The following GRM7 variants were observed in gnomAD, a reference collection of about 807,000 sequenced individuals.
GRM7 encodes glutamate metabotropic receptor 7, also known as metabotropic glutamate receptor 7.
Under a neutral mutation model 84.5 loss-of-function variants are expected in GRM7, and 35 were observed. The ratio of observed to expected loss-of-function variants is 0.41; its 90% CI spans 0.32 to 0.55. GRM7 has a LOEUF of 0.55. Ranked by LOEUF, GRM7 falls within the 20% of genes least tolerant of loss-of-function variation. GRM7 has a pLI of 0.19. For missense variants in GRM7, 1,003 were observed against 1,194.6 expected, an observed-to-expected ratio of 0.84 and a Z score of 2.36; for synonymous variants, 487 against 455.1, an observed-to-expected ratio of 1.07 and a Z score of -0.89.
intron 5 of GRM7, among the ~76,000 whole-genome samples, chr3:7,440,816 G>A (rs1269128532): frequency 6.6e-6 from 1 of 152,122 alleles, no homozygotes. Context: ...TGCTGCAAAA[G>A]ATATTATCTC....
intron 2 of GRM7, among the ~76,000 whole-genome samples, chr3:7,292,935 A>G (rs1265690521): frequency 6.6e-6 from 1 of 151,060 alleles, no homozygotes; most frequent in Non-Finnish European, 1.5e-5. Flanking sequence ...TCGGGGGGCC[A>G]AGGCAGGAGA....
chr3:7,483,344 C>T (rs898136974), intron 7 of GRM7, among the ~76,000 whole-genome samples: 5 of 152,178 alleles, frequency 3.3e-5, no homozygotes, highest in African/African-American at 9.7e-5. Context: ...ATGAACATGA[C>T]GGTTGATTTG....
chr3:7,407,895 T>G (rs1695751261), intron 4 of GRM7, among the ~76,000 whole-genome samples: 1 of 152,214 alleles, frequency 6.6e-6, no homozygotes, highest in African/African-American at 2.4e-5. Flanking sequence ...TTCTCTCTTT[T>G]CCTCACCTTA....
At chr3:7,208,866 A>T (rs1015110196) in intron 2 of GRM7, among the ~76,000 whole-genome samples, 13 of 152,208 alleles carry the variant, frequency 8.5e-5, no homozygotes, top group Admixed American at 4.6e-4. Context: ...ATAGATAAGC[A>T]ATCACGTGAT....
intron 4 of GRM7, among the ~76,000 whole-genome samples, chr3:7,369,107 T>C (rs747800842): frequency 1.3e-5 from 2 of 152,022 alleles, no homozygotes; most frequent in South Asian, 4.1e-4. Context: ...CACCCTGGAG[T>C]ATGGTGGCAC....
intron 4 of GRM7, among the ~76,000 whole-genome samples, chr3:7,399,263 C>T (rs1040219192): frequency 6.6e-6 from 1 of 152,020 alleles, no homozygotes; most frequent in Non-Finnish European, 1.5e-5. Context: ...GTTCTCTAAG[C>T]TCTAGATCCA....
At chr3:7,569,556 G>C (rs1694535012) in intron 7 of GRM7, among the ~76,000 whole-genome samples, 1 of 152,118 alleles carries the variant, frequency 6.6e-6, no homozygotes, top group Non-Finnish European at 1.5e-5. Context: ...AGCCAGCAGT[G>C]GCAACCTGCT....
chr3:7,645,279 T>C (rs1366935000), intron 8 of GRM7, among the ~76,000 whole-genome samples: 1 of 152,050 alleles, frequency 6.6e-6, no homozygotes, highest in Non-Finnish European at 1.5e-5. Context: ...CTGGGCACAG[T>C]GGCTCACGCC....
chr3:6,914,412 G>GTT (rs1039904311), intron 1 of GRM7, among the ~76,000 whole-genome samples: 1 of 150,704 alleles, frequency 6.6e-6, no homozygotes, highest in African/African-American at 2.4e-5. Context: ...CTATTTAGGT[G>GTT]TTTTTTTTTG....
At chr3:6,864,935 C>T (rs340659) in intron 1 of GRM7, among the ~76,000 whole-genome samples, 146,989 of 152,348 alleles carry the variant, frequency 0.96, 70,980 homozygotes, top group East Asian at 1. Flanking sequence ...AGATTGAAGA[C>T]ATAAGCTTAG....
intron 4 of GRM7, among the ~76,000 whole-genome samples, chr3:7,309,434 A>G (rs886681198): frequency 6.6e-6 from 1 of 151,990 alleles, no homozygotes. Context: ...CAGATGTTTC[A>G]TATTGAATTA....
At chr3:7,376,706 T>G (rs544596366) in intron 4 of GRM7, among the ~76,000 whole-genome samples, 134 of 152,340 alleles carry the variant, frequency 8.8e-4, no homozygotes, top group Non-Finnish European at 1.5e-3. Flanking sequence ...CCTACAATAT[T>G]GTACAAGAGA....
intron 1 of GRM7, among the ~76,000 whole-genome samples, chr3:7,088,539 C>T (rs2125005657): frequency 6.7e-6 from 1 of 148,898 alleles, no homozygotes; most frequent in Admixed American, 6.7e-5. Flanking sequence ...GAGATAGGGG[C>T]CAGAGATCAT....
At chr3:7,083,702 C>T (rs1222302510) in intron 1 of GRM7, among the ~76,000 whole-genome samples, 1 of 152,104 alleles carries the variant, frequency 6.6e-6, no homozygotes, top group Non-Finnish European at 1.5e-5. Flanking sequence ...TGGGCCAAGT[C>T]TCTGTTCTTG....
At chr3:6,931,767 C>A (rs1410088880) in intron 1 of GRM7, among the ~76,000 whole-genome samples, 1 of 152,192 alleles carries the variant, frequency 6.6e-6, no homozygotes, top group Non-Finnish European at 1.5e-5. Context: ...AGCTCAAGAA[C>A]CGTGTCTCTC....
rs58178956 is a variant in GRM7 at position 7,566,103 on chromosome 3, GTTTTTTTTTT to G, written c.1516-12299_1516-12290del. 1.8e-3 allele frequency among the ~76,000 whole-genome samples: 235 copies of G among 130,020 alleles called. 2 individuals carry two copies. Among genetic ancestry groups the G allele is most frequent in the African/African-American group, 5.7e-3 (189 of 33,428 alleles). The allele number at this position is 130,020 out of a possible 152,430, so 85.3% of individuals were successfully genotyped here. On this transcript the variant is annotated intron_variant, in intron 7 of 9. Coordinates refer to ENST00000357716, the MANE Select transcript of GRM7 (RefSeq NM_000844.4). ...TGTTTTCTTTGGCTCTGAATCAGCT[GTTTTTTTTTT>G]TTTTTTTTTTTTTTTTTTTGTAAAA...
chr3:7,322,917 G>A (rs1486389412), intron 4 of GRM7, among the ~76,000 whole-genome samples: 51 of 152,080 alleles, frequency 3.4e-4, no homozygotes, highest in Non-Finnish European at 1.0e-4. Context: ...TTTTGTAATG[G>A]CATCAGTGTC....
intron 4 of GRM7, among the ~76,000 whole-genome samples, chr3:7,326,354 T>C (rs1487848335): frequency 1.3e-5 from 2 of 152,150 alleles, no homozygotes; most frequent in Non-Finnish European, 2.9e-5. Context: ...GTTACTTTTA[T>C]GTTCTTTTAA....
chr3:7,488,418 G>T (rs185538713), intron 7 of GRM7, among the ~76,000 whole-genome samples: 1 of 152,204 alleles, frequency 6.6e-6, no homozygotes, highest in African/African-American at 2.4e-5. Flanking sequence ...GTTGGGAGGT[G>T]GTGCTTTAAA....
Sources: allele counts gnomAD v4.1 joint callset (sites outside exome capture counted in the v4.1 genomes callset), GRCh38; gene constraint gnomAD v4.1.1; transcripts MANE v1.5; gene names NCBI Gene and HGNC (gene_info 2026-07-23, HGNC 2026-07-21).